Variants in SACM1L observed in about 807,000 individuals in gnomAD.
SACM1L encodes SAC1 like phosphatidylinositide phosphatase, also known as phosphatidylinositol-3-phosphatase SAC1.
A neutral mutation model predicts 89.5 loss-of-function variants in SACM1L; 32 were observed. The observed-to-expected ratio is 0.36, with a 90% CI of 0.27 to 0.48. SACM1L has a LOEUF of 0.48. SACM1L is among the 20% of genes least tolerant of loss of function. The probability of loss-of-function intolerance (pLI) is 0.99; values close to 1 mark genes in which losing one functional copy is unlikely to be tolerated. For missense variants in SACM1L, 543 were observed against 708.5 expected (o/e 0.77, Z 2.65); for synonymous variants, 213 against 232.8 (o/e 0.92, Z 0.77).
At chr3:45,699,208 A>G (rs1391317472) in intron 1 of SACM1L, among the ~76,000 whole-genome samples, 1 of 152,098 alleles carries the variant, frequency 6.6e-6, no homozygotes, top group Admixed American at 6.5e-5. Flanking sequence ...TATCTAGCGC[A>G]CCAGCATGGC....
At chr3:45,705,496 A>ATTTTTTT (rs36040487) in intron 3 of SACM1L, among the ~76,000 whole-genome samples, 15 of 103,170 alleles carry the variant, frequency 1.5e-4, no homozygotes, top group East Asian at 2.6e-4. Flanking sequence ...TGTAAATAAA[A>ATTTTTTT]TTTTTTTTTT....
chr3:45,703,829 G>A (rs1191574224), intron 2 of SACM1L, among the ~76,000 whole-genome samples: 1 of 152,056 alleles, frequency 6.6e-6, no homozygotes, highest in East Asian at 1.9e-4. Flanking sequence ...AACAGGATTG[G>A]TTTAGATAGC....
At chr3:45,731,177 G>A (rs1699045455) in intron 11 of SACM1L, 124 bp from the exon 12 acceptor site, 2 of 539,040 alleles carry the variant, frequency 3.7e-6, no homozygotes, top group African/African-American at 3.9e-5. Context: ...GACAGCTTCT[G>A]GGTTTTTTTG....
At chr3:45,711,941 T>G (rs953856965) in intron 5 of SACM1L, among the ~76,000 whole-genome samples, 2 of 152,246 alleles carry the variant, frequency 1.3e-5, no homozygotes, top group Non-Finnish European at 2.9e-5. Context: ...CAGTTTTGTT[T>G]TAGCAACTTG....
intron 6 of SACM1L, 191 bp from the exon 7 acceptor site, chr3:45,713,853 CTG>C (rs1250882029): frequency 6.4e-6 from 2 of 313,126 alleles, no homozygotes; most frequent in Non-Finnish European, 1.2e-5. Flanking sequence ...GTTCCAAAAT[CTG>C]TGAATATTCA....
intron 3 of SACM1L, among the ~76,000 whole-genome samples, chr3:45,705,793 C>T (rs932856397): frequency 5.3e-5 from 8 of 152,224 alleles, no homozygotes; most frequent in African/African-American, 1.9e-4. Flanking sequence ...CATGAGCCAC[C>T]ACGCCCATCC....
intron 13 of SACM1L, 90 bp downstream of exon 13, chr3:45,732,241 T>C (rs1699092126): frequency 3.3e-6 from 2 of 606,358 alleles, no homozygotes; most frequent in African/African-American, 3.8e-5. Flanking sequence ...GACTTACAAG[T>C]ACAGTTCACT....
rs1276667829 is a variant in SACM1L at position 45,726,950 on chromosome 3, A to G, written c.921+3407A>G. Among the ~76,000 whole-genome samples the G allele has an allele frequency of 9.2e-5, 2 of 21,830 alleles. 1 individual carries two copies. The highest frequency in any genetic ancestry group is 3.8e-4 in the African/African-American group (2 of 5,300). 14.3% of individuals were successfully genotyped at this position (21,830 alleles called of 152,430 possible). On this transcript the variant is annotated intron_variant, in intron 11 of 19. Transcript: ENST00000389061. Reference sequence around the variant, plus strand: ...CCGGACTGCGGACTGCAGTGGCGCAATCTCGGCTCACTGCAAGCTCCGCTT... The same window carrying G: ...CCGGACTGCGGACTGCAGTGGCGCAGTCTCGGCTCACTGCAAGCTCCGCTT...
At chr3:45,739,238 C>CTTG (rs1699266204) in intron 18 of SACM1L, among the ~76,000 whole-genome samples, 1 of 152,146 alleles carries the variant, frequency 6.6e-6, no homozygotes, top group Admixed American at 6.5e-5. Flanking sequence ...CCTCTGTTCA[C>CTTG]CAGACCCTGC....
intron 19 of SACM1L, among the ~76,000 whole-genome samples, chr3:45,741,187 G>T (rs578186506): frequency 4.6e-5 from 7 of 152,086 alleles, no homozygotes; most frequent in African/African-American, 1.4e-4. Flanking sequence ...CTCTCTGCCT[G>T]TCTGAATTCC....
Position 45,727,154 on chromosome 3 carries a change from G to C in SACM1L, c.921+3611G>C, listed in dbSNP as rs1236167229. On this transcript the variant is annotated intron_variant, in intron 11 of 19. Transcript: ENST00000389061. The stretch of plus-strand genomic sequence containing the variant: ...CCCGCCTCGGCCTCCCAAAGTGCTG[G>C]GATTACAGGCGTGAGCCACCGCGCC... Among the ~76,000 whole-genome samples, 2 of 21,730 alleles carry C rather than the reference G, an allele frequency of 9.2e-5. 1 individual carries two copies. The highest frequency in any genetic ancestry group is 2.5e-4 in the Non-Finnish European group (2 of 7,956). 14.3% of individuals were successfully genotyped at this position (21,730 alleles called of 152,430 possible).
chr3:45,725,029 T>G (rs1045514208), intron 11 of SACM1L, among the ~76,000 whole-genome samples: 1 of 152,228 alleles, frequency 6.6e-6, no homozygotes, highest in African/African-American at 2.4e-5. Flanking sequence ...CTCTGTTCTA[T>G]TCCATTGGTC....
chr3:45,721,405 C>T (rs559076474), intron 8 of SACM1L, among the ~76,000 whole-genome samples: 32 of 152,156 alleles, frequency 2.1e-4, no homozygotes, highest in Non-Finnish European at 4.3e-4. Flanking sequence ...GCCTGTAATC[C>T]CAGCTACTTG....
At chr3:45,740,602 A>G (rs1280598840) in intron 19 of SACM1L, among the ~76,000 whole-genome samples, 1 of 152,246 alleles carries the variant, frequency 6.6e-6, no homozygotes, top group Non-Finnish European at 1.5e-5. Context: ...AAAGTAATAC[A>G]TAGTAATTAT....
At chr3:45,734,113 A>ATTTTTTTTTTT (rs377501431) in intron 13 of SACM1L, among the ~76,000 whole-genome samples, 1 of 132,112 alleles carries the variant, frequency 7.6e-6, no homozygotes, top group Non-Finnish European at 1.6e-5. Flanking sequence ...CCATTTAAGA[A>ATTTTTTTTTTT]TTTTTTTTTT....
In SACM1L at chr3:45,739,600, T is replaced by C; in HGVS notation, c.1583T>C (p.Met528Thr). 6.2e-7 allele frequency: 1 copy of C among 1,614,164 alleles called. No homozygotes were observed. Among genetic ancestry groups the C allele is most frequent in the Non-Finnish European group, 8.5e-7 (1 of 1,179,996 alleles). The change falls in exon 19 of 20, where the codon ATG (methionine) becomes ACG (threonine). Residue 528 changes from methionine (M) to threonine (T), a missense_variant. Met to Thr is a moderately conservative substitution (Grantham distance 81). Around this residue, in one of 2 missense-constraint regions of SACM1L, gnomAD observed 370 missense variants for 527.6 expected, o/e 0.70. Transcript: ENST00000389061. Reference protein sequence around the residue: ...DWKFLALPIIMVVAFSMCIIC... With the variant: ...DWKFLALPIITVVAFSMCIIC... The stretch of plus-strand genomic sequence containing the variant: ...TGTCTTTTCCAGTTGCCTATTATCA[T>C]GGTTGTTGCCTTTTCAATGTGCATT...
intron 1 of SACM1L, among the ~76,000 whole-genome samples, chr3:45,692,327 T>A (rs1698014654): frequency 6.6e-6 from 1 of 152,040 alleles, no homozygotes; most frequent in Non-Finnish European, 1.5e-5. Context: ...TTTTTTTTTT[T>A]TTTTATTATT....
intron 5 of SACM1L, 93 bp from the exon 6 acceptor site, chr3:45,713,044 C>A: frequency 1.0e-6 from 1 of 994,570 alleles, no homozygotes; most frequent in Non-Finnish European, 1.5e-6. Flanking sequence ...TGGCTTCTAG[C>A]CATCAGAAAG....
At chr3:45,735,885 G>A (rs1699187587) in intron 14 of SACM1L, among the ~76,000 whole-genome samples, 1 of 151,292 alleles carries the variant, frequency 6.6e-6, no homozygotes, top group Non-Finnish European at 1.5e-5. Context: ...GTTTTTCCTT[G>A]AGAAAGTGTC....
Sources: allele counts gnomAD v4.1 joint callset (sites outside exome capture counted in the v4.1 genomes callset), GRCh38; gene constraint gnomAD v4.1.1; regional missense constraint gnomAD v4.1.1; transcripts MANE v1.5; gene names NCBI Gene and HGNC (gene_info 2026-07-23, HGNC 2026-07-21).